Variants in COL11A2 observed in about 807,000 individuals in gnomAD.
COL11A2 encodes the protein collagen type XI alpha 2 chain, also known as collagen alpha-2(XI) chain.
A neutral mutation model predicts 273.4 loss-of-function variants in COL11A2; 116 were observed. The ratio of observed to expected loss-of-function variants is 0.42; its 90% CI spans 0.36 to 0.49. The LOEUF is 0.49. Among genes scored for constraint, COL11A2 ranks in the 20% least tolerant of loss-of-function variants. The pLI, the probability that COL11A2 is intolerant of heterozygous loss-of-function variation, is 0.00. For missense variants in COL11A2, 1,866 were observed against 2,309.0 expected (o/e 0.81, Z 3.93); for synonymous variants, 782 against 864.2 (o/e 0.90, Z 1.67).
chr6:33,180,199 C>A, intron 12 of COL11A2, 59 bp downstream of exon 12: 1 of 1,520,080 alleles, frequency 6.6e-7, no homozygotes, highest in Admixed American at 1.7e-5. Context: ...TTCTTGGTAA[C>A]ATGACACAAT....
At position 33,173,032 on chromosome 6, in the gene COL11A2, G is replaced by T; in HGVS notation, c.2790+28C>A. ...AGACAGACTAATGCTAGGGTCAGGG[G>T]TCCATTCTCTCCTAGGGACAAACCT... On this transcript the variant is annotated intron_variant, in intron 38 of 65. Coordinates refer to ENST00000341947, the MANE Select transcript of COL11A2 (RefSeq NM_080680.3). This position sits in a 1 kb window ranked among gnomAD's most constrained non-coding sequence, Gnocchi z 6.3. The T allele has an allele frequency of 6.2e-7, 1 of 1,609,042 alleles. No homozygotes were observed. The highest frequency in any genetic ancestry group is 1.1e-5 in the South Asian group (1 of 90,758).
chr6:33,169,895 A>T lies in COL11A2; in HGVS notation c.3637-11T>A. On this transcript the variant is annotated splice_polypyrimidine_tract_variant and intron_variant, in intron 49 of 65. Transcript: ENST00000341947. The surrounding 1 kb of genome is among the most constrained non-coding windows in gnomAD (Gnocchi z 5.5). ...CTCTCCTGGTTCCCCCTGCAAAGAGATTAGAGTCAAAAACCTCCTCTCCTT... is the reference window on the plus strand; with the variant it reads ...CTCTCCTGGTTCCCCCTGCAAAGAGTTTAGAGTCAAAAACCTCCTCTCCTT... 1 of 1,614,046 alleles carries T rather than the reference A, an allele frequency of 6.2e-7. No individual in the cohort carries two copies. Among genetic ancestry groups the T allele is most frequent in the East Asian group, 2.2e-5 (1 of 44,864 alleles).
Position 33,186,715 on chromosome 6 carries a change from T to G in COL11A2, c.710A>C (p.Gln237Pro). Residue 237 changes from glutamine to proline, a missense_variant, in exon 5 of 66, where the codon CAA becomes CCA. Transcript: ENST00000341947. ...CTGGGCTCTGTGAGGCTGTTGGTTT[T>G]GGGGTCTTTCCCTCTGGCCCCCCTC... ...ECEGGQRERPQNQQPHRAQRS... is the reference protein window; with the variant it reads ...ECEGGQRERPPNQQPHRAQRS... 6.2e-7 allele frequency: 1 copy of G among 1,614,040 alleles called. No homozygotes were observed.
chr6:33,191,117 CCT>C (rs1313371458), intron 1 of COL11A2, among the ~76,000 whole-genome samples: 1 of 152,168 alleles, frequency 6.6e-6, no homozygotes, highest in Admixed American at 6.5e-5. Context: ...TAGCCATCCC[CCT>C]GCCTCCATGC....
In COL11A2 at chr6:33,163,550, G is replaced by C. The variant is rs528560777; in HGVS notation, c.*128C>G. The stretch of plus-strand genomic sequence containing the variant: ...CCTCCCCTGGCCTGCCCCGACTGAG[G>C]GCTCTCCACGCCCTGGCCCAGGGCT... On this transcript the variant is annotated 3_prime_UTR_variant, in exon 66 of 66. Coordinates refer to ENST00000341947, the MANE Select transcript of COL11A2 (RefSeq NM_080680.3). The surrounding 1 kb of genome is among the most constrained non-coding windows in gnomAD (Gnocchi z 4.1). 3.5e-5 allele frequency: 51 copies of C among 1,475,998 alleles called. No individual in the cohort carries two copies. The Middle Eastern group carries it at 5.5e-4, about 16-fold the overall frequency. The allele number at this position is 1,475,998 out of a possible 1,614,324, so 91.4% of individuals were successfully genotyped here. A position where few individuals can be genotyped will look rare whatever the true frequency, so the allele number is the denominator to read the frequency against.
intron 12 of COL11A2, among the ~76,000 whole-genome samples, 161 bp downstream of exon 12, chr6:33,180,097 C>T (rs918951957): frequency 6.6e-6 from 1 of 152,152 alleles, no homozygotes; most frequent in South Asian, 2.1e-4. Flanking sequence ...CCTAATGAGG[C>T]CCCATCTCCC....
chr6:33,185,867 G>T (rs186688841), intron 5 of COL11A2, 89 bp from the exon 6 acceptor site: 39 of 479,648 alleles, frequency 8.1e-5, no homozygotes, highest in African/African-American at 7.3e-4. Flanking sequence ...TATAAAGATG[G>T]TGTGGGAGTT....
chr6:33,180,812 G>T, intron 10 of COL11A2, 82 bp from the exon 11 acceptor site: 1 of 1,564,966 alleles, frequency 6.4e-7, no homozygotes, highest in Non-Finnish European at 8.8e-7. Context: ...AGTGGTCTGT[G>T]CAGAACAGAT....
In COL11A2 at chr6:33,165,688, A is replaced by C; in HGVS notation, c.4611T>G (p.Pro1537=). 1.9e-6 allele frequency: 3 copies of C among 1,611,372 alleles called. No homozygotes were observed. The highest frequency in any genetic ancestry group is 2.5e-6 in the Non-Finnish European group (3 of 1,179,928). The change falls in exon 63 of 66, where the codon CCT becomes CCG. Residue 1537 remains proline, a synonymous_variant. Coordinates refer to ENST00000341947, the MANE Select transcript of COL11A2 (RefSeq NM_080680.3). This position sits in a 1 kb window ranked among gnomAD's most constrained non-coding sequence, Gnocchi z 7.7. ...AIPTGGAPGS[P]GGLEEIFGSL... ...AGCCAAAGATCTCCTCCAGCCCCCC[A>C]GGACTGCCGGGGGCTCCCCCGGTCG...
Position 33,173,490 on chromosome 6 carries a change from G to C in COL11A2, c.2682+12C>G. The C allele has an allele frequency of 6.2e-7, 1 of 1,612,370 alleles. No individual in the cohort carries two copies. The highest frequency in any genetic ancestry group is 8.5e-7 in the Non-Finnish European group (1 of 1,179,552). On this transcript the variant is annotated intron_variant, in intron 36 of 65. Coordinates refer to ENST00000341947, the MANE Select transcript of COL11A2 (RefSeq NM_080680.3). The surrounding 1 kb of genome is among the most constrained non-coding windows in gnomAD (Gnocchi z 6.3). ...GAGAAGCGAGGTGGGTCAGAGCTCG[G>C]GGTCAACTTACCGGGGGTCCTTTCG...
chr6:33,185,025 G>A lies in COL11A2; in HGVS notation c.906C>T (p.Ile302=), dbSNP rs1772209749. ...QDPTPGEEEE[I]LESSLLPPLE... ...GGGGTGGCAAGAGGCTCGACTCCAGGATTTCTTCCTCTTCACCTGGGGTGG... is the reference window on the plus strand; with the variant it reads ...GGGGTGGCAAGAGGCTCGACTCCAGAATTTCTTCCTCTTCACCTGGGGTGG... The change falls in exon 7 of 66, where the codon ATC becomes ATT. Residue 302 remains isoleucine, a synonymous_variant. Transcript: ENST00000341947. The A allele has an allele frequency of 1.3e-6, 2 of 1,551,296 alleles. No homozygotes were observed. Among genetic ancestry groups the A allele is most frequent in the Non-Finnish European group, 1.7e-6 (2 of 1,146,800 alleles).
In COL11A2 at chr6:33,176,187, G is replaced by A; in HGVS notation, c.2214+72C>T. The A allele has an allele frequency of 1.2e-6, 2 of 1,604,668 alleles. No individual in the cohort carries two copies. Among genetic ancestry groups the A allele is most frequent in the Non-Finnish European group, 1.7e-6 (2 of 1,172,810 alleles). On this transcript the variant is annotated intron_variant, in intron 28 of 65. Transcript: ENST00000341947. The surrounding 1 kb of genome is among the most constrained non-coding windows in gnomAD (Gnocchi z 4.9). ...GGAGCTGGACGGCAGTGCGGGGCAGGCTGGAGGGAAGGCAGTGAAGAGAGG... is the reference window on the plus strand; with the variant it reads ...GGAGCTGGACGGCAGTGCGGGGCAGACTGGAGGGAAGGCAGTGAAGAGAGG...
chr6:33,171,496 GA>G lies in COL11A2; in HGVS notation c.3228del (p.Pro1077GlnfsTer268). 2 of 1,613,840 alleles carry G rather than the reference GA, an allele frequency of 1.2e-6. No homozygotes were observed. The highest frequency in any genetic ancestry group is 1.7e-6 in the Non-Finnish European group (2 of 1,179,916). The stretch of plus-strand genomic sequence containing the variant: ...TCTCCATCCTCTCCAGCCACACCTG[GA>G]GGCCCAGCAGGACCAGGAAGCCCCA... ...GPVGLPGPAG[P>X]PGVAGEDGDK... On this transcript the variant is annotated frameshift_variant, in exon 43 of 66. Transcript: ENST00000341947. LOFTEE classifies it high-confidence loss of function.
chr6:33,174,385 C>A lies in COL11A2; in HGVS notation c.2430+142G>T, dbSNP rs2076312. 0.18 allele frequency: 238,850 copies of A among 1,362,634 alleles called. 22,405 individuals are homozygous for A. The highest frequency in any genetic ancestry group is 0.27 in the African/African-American group (18,807 of 69,140). 84.4% of individuals were successfully genotyped at this position (1,362,634 alleles called of 1,614,324 possible). A position where few individuals can be genotyped will look rare whatever the true frequency, so the allele number is the denominator to read the frequency against. On this transcript the variant is annotated intron_variant, in intron 31 of 65. Coordinates refer to ENST00000341947, the MANE Select transcript of COL11A2 (RefSeq NM_080680.3). ...CCCCTGCTGCTCTCTGGGCCTCTTTCGGTCATCTGTAAAATGGGGGTCAGC... is the reference window on the plus strand; with the variant it reads ...CCCCTGCTGCTCTCTGGGCCTCTTTAGGTCATCTGTAAAATGGGGGTCAGC...
Position 33,179,517 on chromosome 6 carries a change from G to A in COL11A2, c.1447-30C>T, listed in dbSNP as rs1289475434. The A allele has an allele frequency of 1.9e-6, 3 of 1,546,802 alleles. No individual in the cohort carries two copies. Among genetic ancestry groups the A allele is most frequent in the Admixed American group, 2.0e-5 (1 of 51,208 alleles). ...GGGAGCAGGGGGACAGCAGAGCTGA[G>A]GGACAGGCAGTGGGAACCCCCAGCC... On this transcript the variant is annotated intron_variant, in intron 13 of 65. Coordinates refer to ENST00000341947, the MANE Select transcript of COL11A2 (RefSeq NM_080680.3). The surrounding 1 kb of genome is among the most constrained non-coding windows in gnomAD (Gnocchi z 6.4).
At position 33,184,144 on chromosome 6, in the gene COL11A2, C is replaced by G. The variant is rs367706373; in HGVS notation, c.1119+1G>C. 3 of 1,367,220 alleles carry G rather than the reference C, an allele frequency of 2.2e-6. No homozygotes were observed. In the South Asian group the frequency reaches 3.4e-5, roughly 16 times the overall value. 84.7% of individuals were successfully genotyped at this position (1,367,220 alleles called of 1,614,324 possible). A position where few individuals can be genotyped will look rare whatever the true frequency, so the allele number is the denominator to read the frequency against. Reference sequence around the variant, plus strand: ...ATGAAAGAGAAGCTCCTTTCACTTACGGCTCCTGAGTGGGCTGTCTCCGCA... The same window carrying G: ...ATGAAAGAGAAGCTCCTTTCACTTAGGGCTCCTGAGTGGGCTGTCTCCGCA... On this transcript the variant is annotated splice_donor_variant, in intron 8 of 65. Coordinates refer to ENST00000341947, the MANE Select transcript of COL11A2 (RefSeq NM_080680.3). LOFTEE classifies it high-confidence loss of function.
chr6:33,164,607 A>C lies in COL11A2; in HGVS notation c.4864-134T>G. 1.2e-6 allele frequency: 1 copy of C among 845,824 alleles called. No individual in the cohort carries two copies. The allele number at this position is 845,824 out of a possible 1,614,324, so 52.4% of individuals were successfully genotyped here. On this transcript the variant is annotated intron_variant, in intron 64 of 65. Coordinates refer to ENST00000341947, the MANE Select transcript of COL11A2 (RefSeq NM_080680.3). The surrounding 1 kb of genome is among the most constrained non-coding windows in gnomAD (Gnocchi z 4.7). ...GAGTCATGAGCAGGGAATGGCTGGA[A>C]GGCAAGGGCTGGGAAAGAAGTGAGG...
At chr6:33,180,852 G>A in intron 10 of COL11A2, 112 bp downstream of exon 10, 1 of 1,550,284 alleles carries the variant, frequency 6.5e-7, no homozygotes, top group East Asian at 2.2e-5. Context: ...TGATTGGAGG[G>A]ATGCTCCCGA....
Position 33,177,032 on chromosome 6 carries a change from T to C in COL11A2, c.2030A>G (p.Lys677Arg). The change falls in exon 25 of 66, where the codon AAG becomes AGG. Residue 677 changes from lysine (K) to arginine (R), a missense_variant. Physicochemically the swap from Lys to Arg is conservative, Grantham distance 26. Transcript: ENST00000341947. The surrounding 1 kb of genome is among the most constrained non-coding windows in gnomAD (Gnocchi z 5.9). ...GPHGEKGPQG[K>R]PGLPGMPGSD... ...GCCAGGCATGCCGGGGAGCCCTGGC[T>C]TCCCTTGAGGACCCTGCAGGAAGAC... 1 of 1,612,312 alleles carries C rather than the reference T, an allele frequency of 6.2e-7. No individual in the cohort carries two copies. Among genetic ancestry groups the C allele is most frequent in the South Asian group, 1.1e-5 (1 of 90,946 alleles).
Sources: allele counts gnomAD v4.1 joint callset (sites outside exome capture counted in the v4.1 genomes callset), GRCh38; gene constraint gnomAD v4.1.1; non-coding constraint Gnocchi (gnomAD v3.1); transcripts MANE v1.5; gene names NCBI Gene and HGNC (gene_info 2026-07-23, HGNC 2026-07-21).